The following SLC16A9 variants were observed in gnomAD, a reference collection of about 807,000 sequenced individuals.
SLC16A9 encodes the protein solute carrier family 16 member 9.
SLC16A9 carries 26 observed loss-of-function variants against 44.3 expected under a neutral mutation model. That is an observed-to-expected ratio of 0.59 (90% CI 0.43 to 0.81). SLC16A9 has a LOEUF of 0.81. Among genes scored for constraint, SLC16A9 ranks in the 40% least tolerant of loss-of-function variants. The pLI is 0.00. For synonymous variants in SLC16A9, 230 were observed against 225.1 expected, an observed-to-expected ratio of 1.02 and a Z score of -0.19; for missense variants, 559 against 595.8, an observed-to-expected ratio of 0.94 and a Z score of 0.64.
chr10:59,679,707 C>A (rs1294174771), intron 2 of SLC16A9, among the ~76,000 whole-genome samples: 1 of 152,188 alleles, frequency 6.6e-6, no homozygotes, highest in Non-Finnish European at 1.5e-5. Context: ...GAGAATGTAA[C>A]CTAGCCAAGT....
chr10:59,701,809 G>A (rs1443588846), intron 1 of SLC16A9, among the ~76,000 whole-genome samples: 2 of 152,122 alleles, frequency 1.3e-5, no homozygotes, highest in East Asian at 3.9e-4. Flanking sequence ...TTAGTAGCTG[G>A]AGGCAGCTGG....
chr10:59,699,346 C>CT (rs1257975772), intron 1 of SLC16A9, among the ~76,000 whole-genome samples: 1 of 152,186 alleles, frequency 6.6e-6, no homozygotes, highest in African/African-American at 2.4e-5. Flanking sequence ...TGAATTTCCA[C>CT]TTCTCTGTGT....
At chr10:59,674,228 C>G (rs2132456864) in intron 2 of SLC16A9, among the ~76,000 whole-genome samples, 1 of 152,316 alleles carries the variant, frequency 6.6e-6, no homozygotes, top group Non-Finnish European at 1.5e-5. Context: ...TGGAATCCAT[C>G]ATGGTCTCAC....
At chr10:59,677,871 TTTATTATTA>T (rs1182754668) in intron 2 of SLC16A9, among the ~76,000 whole-genome samples, 4 of 151,928 alleles carry the variant, frequency 2.6e-5, no homozygotes, top group African/African-American at 7.2e-5. Context: ...TTTAGCTACT[TTTATTATTA>T]TTTTTTTAAT....
At chr10:59,664,440 C>A in intron 3 of SLC16A9, 118 bp from the exon 4 acceptor site, 1 of 567,722 alleles carries the variant, frequency 1.8e-6, no homozygotes, top group Non-Finnish European at 3.1e-6. Context: ...AAAACTGTTA[C>A]AAGTACAGAC....
intron 1 of SLC16A9, among the ~76,000 whole-genome samples, chr10:59,702,309 A>T (rs1370548707): frequency 6.6e-6 from 1 of 152,176 alleles, no homozygotes; most frequent in African/African-American, 2.4e-5. Context: ...CCAATATAAC[A>T]TCGGATGACA....
chr10:59,697,280 T>C (rs899321881), intron 1 of SLC16A9, among the ~76,000 whole-genome samples: 1 of 150,908 alleles, frequency 6.6e-6, no homozygotes, highest in African/African-American at 2.4e-5. Context: ...GGCGGTTTTG[T>C]GGAATAGAAA....
Position 59,654,534 on chromosome 10 carries a change from G to T in SLC16A9, c.492C>A (p.Phe164Leu). The change falls in exon 5 of 6, where the codon TTC becomes TTA. Residue 164 changes from phenylalanine (F) to leucine (L), a missense_variant. Phe to Leu is a conservative substitution (Grantham distance 22). Transcript: ENST00000395348. ...YAALQRMLVEFYGLDGCLLIV... is the reference protein window; with the variant it reads ...YAALQRMLVELYGLDGCLLIV... ...TCAGCAAGCATCCATCCAGTCCATA[G>T]AACTCAACCAGCATCCTCTGCAGAG... 6.2e-7 allele frequency: 1 copy of T among 1,607,562 alleles called. No individual in the cohort carries two copies. The highest frequency in any genetic ancestry group is 8.5e-7 in the Non-Finnish European group (1 of 1,179,874).
rs757241192 is a variant in SLC16A9, at chr10:59,672,821, T to C, written c.289A>G (p.Ser97Gly). 2 of 1,613,890 alleles carry C rather than the reference T, an allele frequency of 1.2e-6. No homozygotes were observed. The highest frequency in any genetic ancestry group is 3.3e-5 in the Admixed American group (2 of 59,994). Residue 97 changes from serine (S) to glycine (G), a missense_variant, in exon 3 of 6, where the codon AGT (serine) becomes GGT (glycine). Physicochemically the swap from Ser to Gly is moderately conservative, Grantham distance 56 (BLOSUM62 0). Coordinates refer to ENST00000395348, the MANE Select transcript of SLC16A9 (RefSeq NM_194298.3). ...FMVAGGLMLS[S>G]FAPNIYFLFF... ...AGAAAGTAGATATTGGGAGCAAAAC[T>C]GCTCAACATCAGGCCTCCAGCCACC...
At chr10:59,684,029 G>T in intron 2 of SLC16A9, 67 bp downstream of exon 2, 1 of 1,354,320 alleles carries the variant, frequency 7.4e-7, no homozygotes, top group Non-Finnish European at 1.0e-6. Flanking sequence ...CTTGCACAAT[G>T]TTCATGATGT....
intron 1 of SLC16A9, among the ~76,000 whole-genome samples, chr10:59,690,573 A>G (rs1840231234): frequency 6.6e-6 from 1 of 152,206 alleles, no homozygotes; most frequent in Admixed American, 6.5e-5. Context: ...ATGAACATAC[A>G]TGTGTAATCA....
Position 59,651,930 on chromosome 10 carries a change from A to G in SLC16A9, c.*842T>C, listed in dbSNP as rs2132384615. The G allele has an allele frequency of 6.6e-6, 1 of 152,362 alleles. No homozygotes were observed. The highest frequency in any genetic ancestry group is 6.5e-5 in the Admixed American group (1 of 15,300). 9.4% of individuals were successfully genotyped at this position (152,362 alleles called of 1,614,324 possible). On this transcript the variant is annotated 3_prime_UTR_variant, in exon 6 of 6. Coordinates refer to ENST00000395348, the MANE Select transcript of SLC16A9 (RefSeq NM_194298.3). ...AGCAAATGGATGTTTCCCATTTGCC[A>G]GAACGGAATGATTGAGAAATGTGTT...
chr10:59,695,800 G>A (rs1171615381), intron 1 of SLC16A9, among the ~76,000 whole-genome samples: 1 of 152,138 alleles, frequency 6.6e-6, no homozygotes, highest in Non-Finnish European at 1.5e-5. Context: ...CATAAATTCA[G>A]GGTTTCCGAG....
At chr10:59,660,813 G>A (rs1019360407) in intron 4 of SLC16A9, among the ~76,000 whole-genome samples, 1 of 152,190 alleles carries the variant, frequency 6.6e-6, no homozygotes, top group African/African-American at 2.4e-5. Context: ...CCACGATCAA[G>A]TTGGCTTCAT....
rs757676979 is a variant in SLC16A9 at position 59,684,189 on chromosome 10, C to G, written c.103G>C (p.Val35Leu). The change falls in exon 2 of 6, where the codon GTC (valine) becomes CTC (leucine). Residue 35 changes from valine to leucine, a missense_variant. Transcript: ENST00000395348. ...LCYGSPLAVGVLYIEWLDAFG... is the reference protein window; with the variant it reads ...LCYGSPLAVGLLYIEWLDAFG... ...GCATCCAGCCATTCTATGTACAGGA[C>G]TCCAACAGCTAGTGGGGATCCGTAA... 1 of 1,614,122 alleles carries G rather than the reference C, an allele frequency of 6.2e-7. No homozygotes were observed. Among genetic ancestry groups the G allele is most frequent in the Non-Finnish European group, 8.5e-7 (1 of 1,179,994 alleles).
In SLC16A9 at chr10:59,654,215, T is replaced by C; in HGVS notation, c.811A>G (p.Lys271Glu). The change falls in exon 5 of 6, where the codon AAA becomes GAA. Residue 271 changes from lysine (K) to glutamate (E), a missense_variant. Coordinates refer to ENST00000395348, the MANE Select transcript of SLC16A9 (RefSeq NM_194298.3). Reference sequence around the variant, plus strand: ...CAAAAATATGTCTGTTCTGCAACTTTCTTTTTGTACGTTTCAGGCTCTTTT... The same window carrying C: ...CAAAAATATGTCTGTTCTGCAACTTCCTTTTTGTACGTTTCAGGCTCTTTT... The part of the protein sequence containing the change: ...HTKEPETYKK[K>E]VAEQTYFCKQ... 4 of 1,614,186 alleles carry C rather than the reference T, an allele frequency of 2.5e-6. No individual in the cohort carries two copies. Among genetic ancestry groups the C allele is most frequent in the Non-Finnish European group, 3.4e-6 (4 of 1,180,030 alleles).
chr10:59,685,416 A>G (rs2132496700), intron 1 of SLC16A9, among the ~76,000 whole-genome samples: 1 of 152,344 alleles, frequency 6.6e-6, no homozygotes, highest in South Asian at 2.1e-4. Flanking sequence ...TGTTTCTTGT[A>G]TAGCCTTCTA....
chr10:59,706,974 C>CA (rs1564716639), intron 1 of SLC16A9, among the ~76,000 whole-genome samples: 2 of 72,292 alleles, frequency 2.8e-5, no homozygotes, highest in Admixed American at 1.8e-4. Context: ...AACTCCATCT[C>CA]AAAAAAAAGA....
At position 59,650,981 on chromosome 10, in the gene SLC16A9, A is replaced by C. The variant is rs906211050; in HGVS notation, c.*1791T>G. The stretch of plus-strand genomic sequence containing the variant: ...AAAAGGAACTTTCAACACAACAAGT[A>C]GTTTAGTTTTTTTTTTTTTTATGTC... On this transcript the variant is annotated 3_prime_UTR_variant, in exon 6 of 6. Coordinates refer to ENST00000395348, the MANE Select transcript of SLC16A9 (RefSeq NM_194298.3). 4 of 137,176 alleles carry C rather than the reference A, an allele frequency of 2.9e-5. No individual in the cohort carries two copies. Among genetic ancestry groups the C allele is most frequent in the African/African-American group, 1.0e-4 (4 of 38,352 alleles). 8.5% of individuals were successfully genotyped at this position (137,176 alleles called of 1,614,324 possible).
Sources: allele counts gnomAD v4.1 joint callset (sites outside exome capture counted in the v4.1 genomes callset), GRCh38; gene constraint gnomAD v4.1.1; transcripts MANE v1.5; gene names NCBI Gene and HGNC (gene_info 2026-07-23, HGNC 2026-07-21).